The following DOCK8 variants were observed in gnomAD, a reference collection of about 807,000 sequenced individuals.
The protein encoded by DOCK8 is dedicator of cytokinesis 8.
Under a neutral mutation model 245.6 loss-of-function variants are expected in DOCK8, and 141 were observed. That is an observed-to-expected ratio of 0.57 (90% CI 0.50 to 0.66). The LOEUF is 0.66. Among genes scored for constraint, DOCK8 ranks in the 30% least tolerant of loss-of-function variants. The probability of loss-of-function intolerance (pLI) is 0.00; values close to 1 mark genes in which losing one functional copy is unlikely to be tolerated. For synonymous variants in DOCK8, 1,168 were observed against 970.2 expected, an observed-to-expected ratio of 1.20 and a Z score of -3.79; for missense variants, 2,965 against 2,603.4, an observed-to-expected ratio of 1.14 and a Z score of -3.02.
intron 15 of DOCK8, chr9:369,942 T>C (rs769098837): frequency 1.3e-4 from 56 of 434,842 alleles, no homozygotes; most frequent in Non-Finnish European, 2.2e-4. Context: ...GCAGGGACTA[T>C]ACGCATGTGC....
chr9:371,615 T>G (rs760529717), intron 17 of DOCK8, 49 bp downstream of exon 17: 9 of 1,612,374 alleles, frequency 5.6e-6, no homozygotes, highest in Non-Finnish European at 6.8e-6. Context: ...TTGGTGCATC[T>G]GAGGTCCCTG....
intron 1 of DOCK8, chr9:220,693 C>T (rs2046860944): frequency 2.5e-6 from 1 of 403,804 alleles, no homozygotes; most frequent in Non-Finnish European, 4.8e-6. Context: ...CTGCTGTTCC[C>T]ACAAGCAGTA....
chr9:434,812 A>T lies in DOCK8; in HGVS notation c.4916A>T (p.Asp1639Val). The T allele has an allele frequency of 6.2e-7, 1 of 1,614,128 alleles. No individual in the cohort carries two copies. Among genetic ancestry groups the T allele is most frequent in the African/African-American group, 1.3e-5 (1 of 75,060 alleles). The change falls in exon 39 of 48, where the codon GAT becomes GTT. Residue 1639 changes from aspartate (D) to valine (V), a missense_variant. Physicochemically the swap from Asp to Val is radical, Grantham distance 152. Around this residue, in one of 3 missense-constraint regions of DOCK8, gnomAD observed 2,825 missense variants for 2,453.5 expected, o/e 1.15. Coordinates refer to ENST00000432829, the MANE Select transcript of DOCK8 (RefSeq NM_203447.4). ...GCCAAGAGTTACCAGGCATCTCCTG[A>T]TCTGCGGCTGACCTGGCTCCAGAAC... ...RIAKSYQASP[D>V]LRLTWLQNMA...
chr9:301,168 G>A (rs1041905954), intron 4 of DOCK8, among the ~76,000 whole-genome samples: 9 of 152,172 alleles, frequency 5.9e-5, no homozygotes, highest in Admixed American at 5.2e-4. Context: ...TTATTCCTGG[G>A]ATGCGAGGTT....
At chr9:387,066 C>G (rs968170070) in intron 23 of DOCK8, among the ~76,000 whole-genome samples, 1 of 152,168 alleles carries the variant, frequency 6.6e-6, no homozygotes, top group African/African-American at 2.4e-5. Flanking sequence ...ACTGTCTGCC[C>G]TAATTTCCTC....
At chr9:267,325 C>G (rs2129872951) in intron 1 of DOCK8, among the ~76,000 whole-genome samples, 1 of 152,304 alleles carries the variant, frequency 6.6e-6, no homozygotes, top group South Asian at 2.1e-4. Context: ...CCCACCTCAG[C>G]CCCCTGAGTA....
chr9:235,728 G>T (rs1196895306), intron 1 of DOCK8, among the ~76,000 whole-genome samples: 1 of 152,210 alleles, frequency 6.6e-6, no homozygotes, highest in Non-Finnish European at 1.5e-5. Context: ...ATCTCCTGGT[G>T]TGCCGTTTTT....
intron 26 of DOCK8, among the ~76,000 whole-genome samples, chr9:403,841 A>G (rs1222357300): frequency 6.8e-6 from 1 of 146,818 alleles, no homozygotes; most frequent in Non-Finnish European, 1.5e-5. Flanking sequence ...CTCCAGTTCA[A>G]CAGAGCAAGA....
intron 25 of DOCK8, among the ~76,000 whole-genome samples, chr9:398,376 A>G (rs1411339268): frequency 1.3e-5 from 2 of 152,180 alleles, no homozygotes; most frequent in African/African-American, 4.8e-5. Flanking sequence ...TGAATTTGCA[A>G]ATTGCATGTT....
chr9:252,322 T>C (rs992278532), intron 1 of DOCK8, among the ~76,000 whole-genome samples: 5 of 152,094 alleles, frequency 3.3e-5, no homozygotes, highest in African/African-American at 1.2e-4. Context: ...AGTCTCTCTG[T>C]GTGTCTGTGT....
intron 26 of DOCK8, among the ~76,000 whole-genome samples, chr9:402,166 T>G: frequency 6.6e-6 from 1 of 152,264 alleles, no homozygotes; most frequent in Non-Finnish European, 1.5e-5. Context: ...GGTAGATATC[T>G]GCCTTCCCTG....
chr9:315,665 T>C (rs1429228722), intron 6 of DOCK8, among the ~76,000 whole-genome samples: 1 of 152,104 alleles, frequency 6.6e-6, no homozygotes, highest in Non-Finnish European at 1.5e-5. Flanking sequence ...GCGAGAAAGG[T>C]GGTAAGTGGG....
At position 391,094 on chromosome 9, in the gene DOCK8, G is replaced by T. The variant is rs532905611; in HGVS notation, c.2970+528G>T. Among the ~76,000 whole-genome samples, 14 of 152,226 alleles carry T rather than the reference G, an allele frequency of 9.2e-5. No homozygotes were observed. In the East Asian group the frequency reaches 1.3e-3, roughly 15 times the overall value. On this transcript the variant is annotated intron_variant, in intron 24 of 47. Coordinates refer to ENST00000432829, the MANE Select transcript of DOCK8 (RefSeq NM_203447.4). Reference sequence around the variant, plus strand: ...CATGGTCCTCTTTTGGTGCTTTGAAGATGCCAAGGCCATTTTGGCCTCACA... The same window carrying T: ...CATGGTCCTCTTTTGGTGCTTTGAATATGCCAAGGCCATTTTGGCCTCACA...
At position 387,614 on chromosome 9, in the gene DOCK8, G is replaced by A. The variant is rs186018118; in HGVS notation, c.2874+1188G>A. ...ATGAGGGAAAGACCAAGTGTGGGAGGGCCGGGGCCTGGTGCTGTGCACTTT... is the reference window on the plus strand; with the variant it reads ...ATGAGGGAAAGACCAAGTGTGGGAGAGCCGGGGCCTGGTGCTGTGCACTTT... On this transcript the variant is annotated intron_variant, in intron 23 of 47. Transcript: ENST00000432829. Among the ~76,000 whole-genome samples, 6 of 152,232 alleles carry A rather than the reference G, an allele frequency of 3.9e-5. No individual in the cohort carries two copies. In the East Asian group the frequency reaches 1.2e-3, roughly 29 times the overall value.
intron 1 of DOCK8, among the ~76,000 whole-genome samples, chr9:264,592 G>A (rs1385463377): frequency 6.6e-6 from 1 of 152,146 alleles, no homozygotes; most frequent in East Asian, 1.9e-4. Context: ...AGACTTTATG[G>A]CTGAAAATAT....
intron 46 of DOCK8, among the ~76,000 whole-genome samples, chr9:461,169 T>C (rs905112518): frequency 3.9e-5 from 6 of 152,170 alleles, no homozygotes; most frequent in Non-Finnish European, 7.3e-5. Flanking sequence ...CCATGATGAG[T>C]TCTAAAGATT....
intron 14 of DOCK8, among the ~76,000 whole-genome samples, chr9:349,977 G>A (rs915030199): frequency 1.3e-5 from 2 of 152,146 alleles, no homozygotes; most frequent in African/African-American, 4.8e-5. Flanking sequence ...TAGCTCTTCT[G>A]AGCTTGTTTG....
At chr9:265,605 T>C (rs1010364783) in intron 1 of DOCK8, among the ~76,000 whole-genome samples, 3 of 152,212 alleles carry the variant, frequency 2.0e-5, no homozygotes, top group Non-Finnish European at 2.9e-5. Context: ...TCAATACTTA[T>C]AGACAAAGTT....
At chr9:397,076 G>C (rs1307150132) in intron 25 of DOCK8, 142 bp downstream of exon 25, 7 of 1,038,010 alleles carry the variant, frequency 6.7e-6, no homozygotes, top group Non-Finnish European at 9.9e-6. Flanking sequence ...TGTTATACTG[G>C]ACTGGACCCT....
Sources: allele counts gnomAD v4.1 joint callset (sites outside exome capture counted in the v4.1 genomes callset), GRCh38; gene constraint gnomAD v4.1.1; regional missense constraint gnomAD v4.1.1; transcripts MANE v1.5; gene names NCBI Gene and HGNC (gene_info 2026-07-23, HGNC 2026-07-21).